The following PRDM15 variants were observed in gnomAD, a reference collection of about 807,000 sequenced individuals.
PRDM15 encodes the protein PR domain zinc finger protein 15.
A neutral mutation model predicts 128.6 loss-of-function variants in PRDM15; 64 were observed. That is an observed-to-expected ratio of 0.50 (90% CI 0.41 to 0.61). The LOEUF is 0.61. PRDM15 is among the 20% of genes least tolerant of loss of function. The probability of loss-of-function intolerance (pLI) is 0.00; values close to 1 mark genes in which losing one functional copy is unlikely to be tolerated. For missense variants in PRDM15, 1,242 were observed against 1,569.1 expected (o/e 0.79, Z 3.52); for synonymous variants, 615 against 621.8 (o/e 0.99, Z 0.16).
Position 41,826,010 on chromosome 21 carries a change from T to C in PRDM15, c.1579A>G (p.Asn527Asp), listed in dbSNP as rs143116534. The C allele has an allele frequency of 2.5e-5, 41 of 1,613,952 alleles. No individual in the cohort carries two copies. The African/African-American group carries it at 5.5e-4, about 22-fold the overall frequency. The change falls in exon 13 of 24, where the codon AAC (asparagine) becomes GAC (aspartate). Residue 527 changes from asparagine (N) to aspartate (D), a missense_variant. Transcript: ENST00000398548. ...GGCTCCTTCTTGTAACGGACCAGGT[T>C]CTCCCCACCGGCCTCCAGGTCCTCT... ...KREDLEAGGE[N>D]LVRYKKEPSG...
intron 1 of PRDM15, among the ~76,000 whole-genome samples, chr21:41,869,661 G>T (rs999482938): frequency 6.6e-6 from 1 of 152,082 alleles, no homozygotes; most frequent in African/African-American, 2.4e-5. Context: ...GCCAAAGCTG[G>T]TCTTGAACTC....
chr21:41,863,492 C>A (rs985856653), intron 1 of PRDM15, among the ~76,000 whole-genome samples: 16 of 152,158 alleles, frequency 1.1e-4, no homozygotes, highest in African/African-American at 3.9e-4. Context: ...ACTAAACACA[C>A]CTGCCATCAC....
intron 1 of PRDM15, chr21:41,861,943 C>T: frequency 1.9e-6 from 3 of 1,613,990 alleles, no homozygotes; most frequent in Non-Finnish European, 2.5e-6. Flanking sequence ...TCAAAGGTAT[C>T]TCGTGCGGCT....
At chr21:41,829,373 C>G (rs960830419) in intron 11 of PRDM15, among the ~76,000 whole-genome samples, 162 of 152,004 alleles carry the variant, frequency 1.1e-3, no homozygotes, top group African/African-American at 3.7e-3. Flanking sequence ...ACACACACCA[C>G]AAATACACAC....
At chr21:41,806,714 ACATCACCAC>A (rs1225337524) in intron 21 of PRDM15, among the ~76,000 whole-genome samples, 1 of 38,112 alleles carries the variant, frequency 2.6e-5, no homozygotes, top group East Asian at 8.5e-4. Context: ...ACTACCACCA[ACATCACCAC>A]CATCACCATC....
At position 41,828,050 on chromosome 21, in the gene PRDM15, G is replaced by A; in HGVS notation, c.1534+116C>T. 9 of 1,033,396 alleles carry A rather than the reference G, an allele frequency of 8.7e-6. No homozygotes were observed. In the South Asian group the frequency reaches 1.3e-4, roughly 15 times the overall value. 64.0% of individuals were successfully genotyped at this position (1,033,396 alleles called of 1,614,324 possible). A position where few individuals can be genotyped will look rare whatever the true frequency, so the allele number is the denominator to read the frequency against. On this transcript the variant is annotated intron_variant, in intron 12 of 23. Coordinates refer to ENST00000398548, the MANE Select transcript of PRDM15 (RefSeq NM_001040424.3). The surrounding 1 kb of genome is among the most constrained non-coding windows in gnomAD (Gnocchi z 5.7). ...CGGATGGCGGGCGTTTCCAGGCAAA[G>A]GAGCAGGCGGCACCGAACTGCTCCC... is the stretch of plus-strand genomic sequence containing the variant.
intron 11 of PRDM15, among the ~76,000 whole-genome samples, chr21:41,829,308 CAAAT>C (rs1302617316): frequency 2.7e-5 from 4 of 150,878 alleles, no homozygotes; most frequent in Admixed American, 6.6e-5. Context: ...ACATACCACA[CAAAT>C]AATATACTCA....
Position 41,854,816 on chromosome 21 carries a change from C to T in PRDM15, c.288G>A (p.Val96=), listed in dbSNP as rs534141424. 2.5e-6 allele frequency: 4 copies of T among 1,599,314 alleles called. No homozygotes were observed. The South Asian group carries it at 3.3e-5, about 13-fold the overall frequency. The part of the protein sequence containing the change: ...WEKESAFPLK[V]FQKDGHPVCF... ...ACACGGGGTGCCCGTCCTTCTGGAACACCTGAAGGTGAGTCGGCCCATGGA... is the reference window on the plus strand; with the variant it reads ...ACACGGGGTGCCCGTCCTTCTGGAATACCTGAAGGTGAGTCGGCCCATGGA... Residue 96 remains valine (V), a splice_region_variant and synonymous_variant, in exon 5 of 24, where the codon GTG becomes GTA. Transcript: ENST00000398548. This position sits in a 1 kb window ranked among gnomAD's most constrained non-coding sequence, Gnocchi z 4.6.
chr21:41,815,176 G>A (rs1420250495), intron 19 of PRDM15, among the ~76,000 whole-genome samples: 3 of 151,658 alleles, frequency 2.0e-5, no homozygotes, highest in Non-Finnish European at 4.4e-5. Context: ...CCTTGTGTTA[G>A]AGATGGCACA....
chr21:41,874,034 C>T (rs895886815), intron 1 of PRDM15, among the ~76,000 whole-genome samples: 2 of 149,636 alleles, frequency 1.3e-5, no homozygotes, highest in African/African-American at 2.5e-5. Context: ...CACCACTGCC[C>T]TCCAGCCTAG....
intron 6 of PRDM15, among the ~76,000 whole-genome samples, chr21:41,842,823 C>T (rs2063115504): frequency 2.1e-5 from 2 of 93,696 alleles, no homozygotes; most frequent in South Asian, 3.6e-4. Context: ...CTCACTCTGT[C>T]GCCCAGGATG....
At position 41,828,293 on chromosome 21, in the gene PRDM15, G is replaced by A; in HGVS notation, c.1407C>T (p.Phe469=). Residue 469 remains phenylalanine, a synonymous_variant, in exon 12 of 24, where the codon TTC becomes TTT. Coordinates refer to ENST00000398548, the MANE Select transcript of PRDM15 (RefSeq NM_001040424.3). This position sits in a 1 kb window ranked among gnomAD's most constrained non-coding sequence, Gnocchi z 5.7. ...TFQCEMCFRF[F]STNSNLSKHK... ...GCTTGGAGAGGTTGCTGTTGGTGGA[G>A]AAGAATCTGAAACACATCTCACATT... is the stretch of plus-strand genomic sequence containing the variant. The A allele has an allele frequency of 1.9e-6, 3 of 1,614,056 alleles. No individual in the cohort carries two copies. The highest frequency in any genetic ancestry group is 2.5e-6 in the Non-Finnish European group (3 of 1,179,982).
chr21:41,836,789 G>A, intron 8 of PRDM15, 140 bp from the exon 9 acceptor site: 1 of 642,740 alleles, frequency 1.6e-6, no homozygotes, highest in South Asian at 2.1e-5. Flanking sequence ...ATGCGCCCGG[G>A]CGTCACTCCC....
At chr21:41,806,014 A>G (rs2061563064) in intron 21 of PRDM15, among the ~76,000 whole-genome samples, 1 of 84,764 alleles carries the variant, frequency 1.2e-5, no homozygotes, top group Non-Finnish European at 2.6e-5. Flanking sequence ...CATCACCACC[A>G]CCATCACCAC....
chr21:41,811,859 T>C lies in PRDM15; in HGVS notation c.2393-1023A>G, dbSNP rs2061874588. On this transcript the variant is annotated intron_variant, in intron 19 of 23. Transcript: ENST00000398548. This position sits in a 1 kb window ranked among gnomAD's most constrained non-coding sequence, Gnocchi z 4.1. ...GCCACCACGCCCAGCTAATTTTTTG[T>C]ATTTTTAGTAGAGACGGGCTTTCAC... The C allele has an allele frequency of 1.3e-5, 2 of 152,184 alleles. No homozygotes were observed. The highest frequency in any genetic ancestry group is 1.3e-4 in the Admixed American group (2 of 15,284). The allele number at this position is 152,184 out of a possible 1,614,324, so 9.4% of individuals were successfully genotyped here.
rs1026088186 is a variant in PRDM15 at position 41,798,921 on chromosome 21, C to G, written c.*2319G>C. On this transcript the variant is annotated 3_prime_UTR_variant, in exon 24 of 24. Coordinates refer to ENST00000398548, the MANE Select transcript of PRDM15 (RefSeq NM_001040424.3). ...CAACCCATTTTGCCTCAGACAGTGACCCTATTAAGACCACGTATGTTTACA... is the reference window on the plus strand; with the variant it reads ...CAACCCATTTTGCCTCAGACAGTGAGCCTATTAAGACCACGTATGTTTACA... 1.3e-5 allele frequency: 2 copies of G among 152,144 alleles called. No homozygotes were observed. The highest frequency in any genetic ancestry group is 2.9e-5 in the Non-Finnish European group (2 of 68,036). The allele number at this position is 152,144 out of a possible 1,614,324, so 9.4% of individuals were successfully genotyped here.
At chr21:41,872,117 T>C (rs984068606) in intron 1 of PRDM15, 1 of 152,616 alleles carries the variant, frequency 6.6e-6, no homozygotes, top group Non-Finnish European at 1.5e-5. Context: ...CTGAACCTCT[T>C]GGTTTCATCC....
chr21:41,810,828 C>G lies in PRDM15; in HGVS notation c.2401G>C (p.Asp801His). ...TTCCCACACAATTCACACATGAAAT[C>G]TTTAATCCCTGCAGAGAAAGGCGCA... ...KHCKRHTGIK[D>H]FMCELCGKTF... is the part of the protein sequence containing the mutation. Residue 801 changes from aspartate to histidine, a missense_variant, in exon 20 of 24, where the codon GAT (aspartate) becomes CAT (histidine). Physicochemically the swap from Asp to His is moderately conservative, Grantham distance 81. Transcript: ENST00000398548. This position sits in a 1 kb window ranked among gnomAD's most constrained non-coding sequence, Gnocchi z 6.4. 1 of 1,614,102 alleles carries G rather than the reference C, an allele frequency of 6.2e-7. No homozygotes were observed. Among genetic ancestry groups the G allele is most frequent in the Non-Finnish European group, 8.5e-7 (1 of 1,179,998 alleles).
intron 22 of PRDM15, among the ~76,000 whole-genome samples, chr21:41,803,659 C>G (rs925591632): frequency 1.3e-5 from 2 of 152,208 alleles, no homozygotes; most frequent in South Asian, 4.1e-4. Flanking sequence ...CCCGTCCCCC[C>G]CATGCCTGTG....
Sources: gnomAD v4.1 joint callset for allele counts (sites outside exome capture counted in the v4.1 genomes callset) on GRCh38, gnomAD v4.1.1 for gene constraint, Gnocchi (gnomAD v3.1) non-coding constraint, MANE v1.5 for transcripts, NCBI Gene and HGNC (gene_info 2026-07-23, HGNC 2026-07-21) for gene names.